Variants in GLIS3 observed in about 807,000 individuals in gnomAD.
The protein encoded by GLIS3 is GLIS family zinc finger 3.
GLIS3 carries 53 observed loss-of-function variants against 78.6 expected under a neutral mutation model. The ratio of observed to expected loss-of-function variants is 0.67; its 90% confidence interval spans 0.54 to 0.85. GLIS3 has a LOEUF of 0.85. Among genes scored for constraint, GLIS3 ranks in the 40% least tolerant of loss-of-function variants. The pLI is 0.00. For missense variants in GLIS3, 1,703 were observed against 1,231.1 expected (o/e 1.38, Z -5.74); for synonymous variants, 684 against 509.9 (o/e 1.34, Z -4.60).
chr9:4,294,696 T>G (rs560161595), intron 1 of GLIS3, among the ~76,000 whole-genome samples: 3 of 135,096 alleles, frequency 2.2e-5, no homozygotes, highest in East Asian at 2.5e-4. Flanking sequence ...AATTCTAATT[T>G]TATTAAGTTT....
intron 4 of GLIS3, among the ~76,000 whole-genome samples, chr9:3,979,484 C>T (rs769092533): frequency 6.6e-6 from 1 of 152,256 alleles, no homozygotes; most frequent in African/African-American, 2.4e-5. Context: ...CATTGCTCTG[C>T]ACCAGCTCTG....
At chr9:3,871,549 G>A (rs1820970205) in intron 8 of GLIS3, among the ~76,000 whole-genome samples, 1 of 152,156 alleles carries the variant, frequency 6.6e-6, no homozygotes, top group Middle Eastern at 3.2e-3. Flanking sequence ...TGACTTCTGT[G>A]TACCCGCAGG....
chr9:4,153,755 C>A (rs1167963126), intron 2 of GLIS3, among the ~76,000 whole-genome samples: 3 of 152,160 alleles, frequency 2.0e-5, no homozygotes. Context: ...AAAGAAAAAT[C>A]AAAGTTAAAT....
intron 7 of GLIS3, among the ~76,000 whole-genome samples, chr9:3,882,914 G>C (rs1223283438): frequency 6.6e-6 from 1 of 152,174 alleles, no homozygotes; most frequent in Non-Finnish European, 1.5e-5. Flanking sequence ...TTACAACCTA[G>C]TAGAAGCCTG....
intron 2 of GLIS3, among the ~76,000 whole-genome samples, chr9:4,315,895 A>ATATC (rs1817430682): frequency 6.6e-6 from 1 of 152,112 alleles, no homozygotes; most frequent in Admixed American, 6.5e-5. Context: ...CTTAGAGCAG[A>ATATC]TATCTCGTAT....
chr9:4,343,386 G>A (rs1253622632), intron 2 of GLIS3, among the ~76,000 whole-genome samples: 1 of 152,134 alleles, frequency 6.6e-6, no homozygotes, highest in African/African-American at 2.4e-5. Context: ...ACACCAGTCA[G>A]AATGGCTATT....
intron 2 of GLIS3, among the ~76,000 whole-genome samples, chr9:4,316,095 T>C (rs1817433266): frequency 6.6e-6 from 1 of 152,200 alleles, no homozygotes. Flanking sequence ...TATTCCCCTT[T>C]ATGAAGCATA....
chr9:4,451,800 G>A, the GLIS3 span, among the ~76,000 whole-genome samples: 1 of 152,004 alleles, frequency 6.6e-6, no homozygotes, highest in Admixed American at 6.5e-5. Context: ...TGAAACCAAT[G>A]AGAACAAAGA....
At chr9:3,834,204 C>T (rs767200353) in intron 9 of GLIS3, among the ~76,000 whole-genome samples, 46 of 152,108 alleles carry the variant, frequency 3.0e-4, no homozygotes, top group Non-Finnish European at 4.7e-4. Flanking sequence ...AAAGAGTTCA[C>T]GGTCCCTTTT....
chr9:4,417,536 G>T, the GLIS3 span, among the ~76,000 whole-genome samples: 1 of 152,232 alleles, frequency 6.6e-6, no homozygotes, highest in Non-Finnish European at 1.5e-5. Flanking sequence ...TAGATATATA[G>T]TTTGTTCTTG....
chr9:3,925,916 G>C (rs921747655), intron 6 of GLIS3, among the ~76,000 whole-genome samples: 2 of 152,160 alleles, frequency 1.3e-5, no homozygotes, highest in African/African-American at 4.8e-5. Context: ...TATACATCAT[G>C]TTGCTTAGAG....
intron 2 of GLIS3, among the ~76,000 whole-genome samples, chr9:4,234,629 A>C (rs931809020): frequency 6.6e-6 from 1 of 152,242 alleles, no homozygotes; most frequent in Non-Finnish European, 1.5e-5. Context: ...AATGTGACAC[A>C]GAGACATGAA....
At chr9:4,392,188 G>T in the GLIS3 span, among the ~76,000 whole-genome samples, 5 of 151,356 alleles carry the variant, frequency 3.3e-5, no homozygotes, top group African/African-American at 9.7e-5. Flanking sequence ...ATCGCTGAAC[G>T]ATGAGAGCAC....
At chr9:3,832,863 C>T (rs533605249) in intron 9 of GLIS3, among the ~76,000 whole-genome samples, 7 of 152,168 alleles carry the variant, frequency 4.6e-5, no homozygotes, top group Non-Finnish European at 1.0e-4. Flanking sequence ...CCCACAACTT[C>T]ACAAATAGGG....
the GLIS3 span, among the ~76,000 whole-genome samples, chr9:4,464,530 G>C: frequency 2.7e-3 from 418 of 152,074 alleles, 4 homozygotes; most frequent in African/African-American, 9.0e-3. Context: ...GAGCAGCTGG[G>C]ATTACAAGTG....
intron 1 of GLIS3, among the ~76,000 whole-genome samples, chr9:4,298,749 C>T (rs1446345274): frequency 6.6e-6 from 1 of 152,082 alleles, no homozygotes; most frequent in Non-Finnish European, 1.5e-5. Context: ...TGCGTCCTGG[C>T]GGCGTGGGAG....
chr9:4,309,902 G>A (rs1817319394), intron 3 of GLIS3, among the ~76,000 whole-genome samples: 1 of 152,116 alleles, frequency 6.6e-6, no homozygotes, highest in African/African-American at 2.4e-5. Flanking sequence ...AAATTTGGCG[G>A]CCAAAAGATT....
chr9:4,270,443 G>C (rs1047450850), intron 2 of GLIS3, among the ~76,000 whole-genome samples: 78 of 152,154 alleles, frequency 5.1e-4, no homozygotes, highest in Admixed American at 4.3e-3. Context: ...GGTCTCCCTA[G>C]GATGTAATTG....
intron 9 of GLIS3, among the ~76,000 whole-genome samples, chr9:3,851,914 G>A (rs1018729059): frequency 6.6e-6 from 1 of 152,124 alleles, no homozygotes; most frequent in African/African-American, 2.4e-5. Flanking sequence ...AGGCCAAGGT[G>A]GGCAGATTGC....
Sources: gnomAD v4.1 joint callset for allele counts (sites outside exome capture counted in the v4.1 genomes callset) on GRCh38, gnomAD v4.1.1 for gene constraint, MANE v1.5 for transcripts, NCBI Gene and HGNC (gene_info 2026-07-23, HGNC 2026-07-21) for gene names.